Variants in CRB2 observed in about 807,000 individuals in gnomAD.
CRB2 encodes the protein crumbs cell polarity complex component 2, also known as protein crumbs homolog 2.
In CRB2, 85 loss-of-function variants were observed where a neutral mutation model predicts 110.9. That is an observed-to-expected ratio of 0.77 (90% confidence interval 0.64 to 0.92). The LOEUF is 0.92. CRB2 is among the 40% of genes least tolerant of loss of function. The pLI, the probability that CRB2 is intolerant of heterozygous loss-of-function variation, is 0.00. For synonymous variants in CRB2, 907 were observed against 831.0 expected (o/e 1.09, Z -1.57); for missense variants, 1,843 against 1,851.3 (o/e 1.00, Z 0.08).
chr9:123,361,483 A>G (rs987064995), intron 1 of CRB2, among the ~76,000 whole-genome samples: 4 of 151,986 alleles, frequency 2.6e-5, no homozygotes, highest in African/African-American at 9.7e-5. Context: ...AGAGGCTGCC[A>G]GCCTTATCTG....
chr9:123,372,395 G>A, intron 9 of CRB2, 53 bp downstream of exon 9: 5 of 1,540,368 alleles, frequency 3.2e-6, no homozygotes, highest in Non-Finnish European at 4.4e-6. Context: ...ACCTAAGCTG[G>A]TTAGATCCCA....
In CRB2 at chr9:123,370,885, C is replaced by T; in HGVS notation, c.1832C>T (p.Pro611Leu). The change falls in exon 7 of 13, where the codon CCT (proline) becomes CTT (leucine). Residue 611 changes from proline (P) to leucine (L), a missense_variant. Physicochemically the swap from Pro to Leu is moderately conservative, Grantham distance 98. Coordinates refer to ENST00000373631, the MANE Select transcript of CRB2 (RefSeq NM_173689.7). The stretch of plus-strand genomic sequence containing the variant: ...TGTGAGCGCCGAGAGCAGTGCCGGC[C>T]TCTGCCTTGTGTCCACGGAGGGTCC... ...LGCERREQCR[P>L]LPCVHGGSCV... The T allele has an allele frequency of 6.2e-7, 1 of 1,612,414 alleles. No individual in the cohort carries two copies. Among genetic ancestry groups the T allele is most frequent in the Non-Finnish European group, 8.5e-7 (1 of 1,180,012 alleles).
chr9:123,372,235 C>T lies in CRB2; in HGVS notation c.2495C>T (p.Thr832Ile), dbSNP rs374165467. Residue 832 changes from threonine to isoleucine, a missense_variant, in exon 9 of 13, where the codon ACC becomes ATC. By Grantham distance (89) the Thr-to-Ile change is moderately conservative (BLOSUM62 -1). Transcript: ENST00000373631. ...CLVTWNDFHC[T>I]CPANFTGPTC... is the part of the protein sequence containing the mutation. Reference sequence around the variant, plus strand: ...GTCACCTGGAATGACTTCCACTGTACCTGCCCTGCCAATTTCACGGGGCCT... The same window carrying T: ...GTCACCTGGAATGACTTCCACTGTATCTGCCCTGCCAATTTCACGGGGCCT... 3.1e-6 allele frequency: 5 copies of T among 1,613,998 alleles called. No homozygotes were observed. In the African/African-American group the frequency reaches 4.0e-5, roughly 13 times the overall value.
upstream of CRB2, among the ~76,000 whole-genome samples, chr9:123,355,068 G>C (rs892108732): frequency 1.3e-5 from 2 of 152,226 alleles, no homozygotes; most frequent in Admixed American, 6.5e-5. Context: ...GCATGTATTG[G>C]CAGGGGCCGG....
chr9:123,361,074 C>T (rs1003912496), intron 1 of CRB2, among the ~76,000 whole-genome samples: 1 of 152,012 alleles, frequency 6.6e-6, no homozygotes, highest in African/African-American at 2.4e-5. Context: ...CCGGTGCTGC[C>T]TCCCCAGCGT....
chr9:123,367,185 G>T lies in CRB2; in HGVS notation c.768G>T (p.Glu256Asp), dbSNP rs754468717. Residue 256 changes from glutamate to aspartate, a missense_variant, in exon 5 of 13, where the codon GAG becomes GAT. Transcript: ENST00000373631. ...RCLCWPGYSG[E>D]LCEVDEDECA... is the part of the protein sequence containing the mutation. ...GTGTGCCCCCAGGCTACAGCGGCGA[G>T]CTGTGCGAGGTGGACGAGGACGAGT... The T allele has an allele frequency of 5.0e-6, 8 of 1,593,088 alleles. No homozygotes were observed. The highest frequency in any genetic ancestry group is 6.8e-6 in the Non-Finnish European group (8 of 1,174,988).
intron 1 of CRB2, among the ~76,000 whole-genome samples, chr9:123,361,216 G>A (rs1483319670): frequency 1.3e-5 from 2 of 152,010 alleles, no homozygotes; most frequent in Admixed American, 6.5e-5. Flanking sequence ...TGGCACAGGC[G>A]CTGGCAGCCG....
At chr9:123,361,040 C>T (rs550586203) in intron 1 of CRB2, among the ~76,000 whole-genome samples, 19 of 152,136 alleles carry the variant, frequency 1.2e-4, no homozygotes, top group African/African-American at 4.3e-4. Context: ...CAAGGCACCT[C>T]CCCCGCCCCC....
intron 12 of CRB2, 69 bp downstream of exon 12, chr9:123,375,412 A>G (rs1588221362): frequency 2.7e-6 from 4 of 1,486,516 alleles, no homozygotes; most frequent in South Asian, 1.4e-5. Flanking sequence ...GCTGCTGGGG[A>G]GAGAGCGCAG....
In CRB2 at chr9:123,356,337, C is replaced by T. The variant is rs1020318058; in HGVS notation, c.77C>T (p.Ala26Val). 6.5e-7 allele frequency: 1 copy of T among 1,547,264 alleles called. No homozygotes were observed. The highest frequency in any genetic ancestry group is 2.5e-5 in the East Asian group (1 of 40,756). ...SVLLLLLWAP[A>V]LSLLAGTVPS... is the part of the protein sequence containing the mutation. ...CTGCTACTGCTGCTCTGGGCCCCTG[C>T]CCTTTCCCTCCTGGCTGGTGAGTTG... Residue 26 changes from alanine to valine, a missense_variant, in exon 1 of 13, where the codon GCC becomes GTC. Ala to Val is a moderately conservative substitution (Grantham distance 64). Coordinates refer to ENST00000373631, the MANE Select transcript of CRB2 (RefSeq NM_173689.7).
Position 123,373,918 on chromosome 9 carries a change from C to CAGGTGGGATGGCTGGGCAGGG in CRB2, c.3388_3389+19dup. 1 of 1,549,898 alleles carries CAGGTGGGATGGCTGGGCAGGG rather than the reference C, an allele frequency of 6.5e-7. No homozygotes were observed. ...CGCCTGGCTTCGGGGGCCCGCGCTG[C>CAGGTGGGATGGCTGGGCAGGG]AGGTGGGATGGCTGGGCAGGGGGGT... On this transcript the variant is annotated inframe_insertion and splice_region_variant, in exon 10 of 13. Transcript: ENST00000373631.
In CRB2 at chr9:123,373,976, G is replaced by T. The variant is rs929042820; in HGVS notation, c.3389+56G>T. On this transcript the variant is annotated intron_variant, in intron 10 of 12. Transcript: ENST00000373631. ...GAATGCCCCCTGGGGCTATGGTGGG[G>T]CAGAGAAGTCTGCCAGGTCTGTGGA... 5 of 1,548,316 alleles carry T rather than the reference G, an allele frequency of 3.2e-6. No homozygotes were observed. The African/African-American group carries it at 5.5e-5, about 17-fold the overall frequency.
chr9:123,373,547 C>A lies in CRB2; in HGVS notation c.3016C>A (p.Leu1006Met). 6.7e-7 allele frequency: 1 copy of A among 1,487,430 alleles called. No individual in the cohort carries two copies. The highest frequency in any genetic ancestry group is 2.1e-5 in the Admixed American group (1 of 46,908). The allele number at this position is 1,487,430 out of a possible 1,614,324, so 92.1% of individuals were successfully genotyped here. A position where few individuals can be genotyped will look rare whatever the true frequency, so the allele number is the denominator to read the frequency against. ...GGGCCCGGGTGCTGTGCGCATCCTG[C>A]TGGCTGAGAACTTCACCGGCTGCTT... is the stretch of plus-strand genomic sequence containing the variant. ...LQGPGAVRIL[L>M]AENFTGCLGR... The change falls in exon 10 of 13, where the codon CTG becomes ATG. Residue 1006 changes from leucine (L) to methionine (M), a missense_variant. Coordinates refer to ENST00000373631, the MANE Select transcript of CRB2 (RefSeq NM_173689.7).
chr9:123,363,142 CA>C lies in CRB2; in HGVS notation c.374del (p.Asn125ThrfsTer17), dbSNP rs1564369715. ...RPCHHGATCR[N>X]LADRYECHCP... The stretch of plus-strand genomic sequence containing the variant: ...CGTGCCACCATGGGGCCACCTGCCG[CA>C]ACCTGGCCGATCGCTACGAGTGCCA... On this transcript the variant is annotated frameshift_variant, in exon 2 of 13. Transcript: ENST00000373631. LOFTEE classifies it high-confidence loss of function. 2.5e-6 allele frequency: 4 copies of C among 1,610,990 alleles called. No individual in the cohort carries two copies. The highest frequency in any genetic ancestry group is 1.3e-5 in the African/African-American group (1 of 75,076).
At chr9:123,360,476 C>A (rs1175397023) in intron 1 of CRB2, among the ~76,000 whole-genome samples, 1 of 152,204 alleles carries the variant, frequency 6.6e-6, no homozygotes, top group East Asian at 1.9e-4. Context: ...CCTTGCCTCT[C>A]CTGTCTGGCC....
At chr9:123,366,178 G>T in intron 3 of CRB2, 49 bp from the exon 4 acceptor site, 1 of 1,381,474 alleles carries the variant, frequency 7.2e-7, no homozygotes. Flanking sequence ...CCAGGCGCGG[G>T]GCAGAAGGGG....
chr9:123,358,108 G>C (rs930619227), intron 1 of CRB2, among the ~76,000 whole-genome samples: 1 of 152,228 alleles, frequency 6.6e-6, no homozygotes, highest in Non-Finnish European at 1.5e-5. Flanking sequence ...ATTTCTGCAT[G>C]CTGGTACCCT....
chr9:123,367,269 C>T lies in CRB2; in HGVS notation c.852C>T (p.Leu284=), dbSNP rs751858855. 1 of 1,600,268 alleles carries T rather than the reference C, an allele frequency of 6.2e-7. No individual in the cohort carries two copies. Among genetic ancestry groups the T allele is most frequent in the Admixed American group, 1.7e-5 (1 of 57,698 alleles). The part of the protein sequence containing the change: ...GRCLQRSDPA[L]YGGVQAAFPG... ...GCCTGCAGCGCTCTGACCCGGCCCT[C>T]TACGGGGGTGTCCAGGCCGCCTTCC... The change falls in exon 5 of 13, where the codon CTC becomes CTT. Residue 284 remains leucine (L), a synonymous_variant. Transcript: ENST00000373631.
chr9:123,375,168 A>C, intron 11 of CRB2, 49 bp from the exon 12 acceptor site: 9 of 1,609,364 alleles, frequency 5.6e-6, no homozygotes, highest in Non-Finnish European at 7.6e-6. Context: ...TGGGAGCACA[A>C]GAGGCAGCCA....
Sources: allele counts gnomAD v4.1 joint callset (sites outside exome capture counted in the v4.1 genomes callset), GRCh38; gene constraint gnomAD v4.1.1; transcripts MANE v1.5; gene names NCBI Gene and HGNC (gene_info 2026-07-23, HGNC 2026-07-21).